SMG1: variants seen among roughly 807,000 people sequenced by gnomAD.
The protein encoded by SMG1 is SMG1 nonsense mediated mRNA decay associated PI3K related kinase.
In SMG1, 22 loss-of-function variants were observed where a neutral mutation model predicts 419.9. The ratio of observed to expected loss-of-function variants is 0.05; its 90% CI spans 0.04 to 0.07. SMG1 has a LOEUF of 0.07. SMG1 is among the 10% of genes least tolerant of loss of function. The probability of loss-of-function intolerance (pLI) is 1.00; values close to 1 mark genes in which losing one functional copy is unlikely to be tolerated. For missense variants in SMG1, 3,185 were observed against 4,342.0 expected (o/e 0.73, Z 7.49); for synonymous variants, 1,538 against 1,553.5 (o/e 0.99, Z 0.23).
intron 27 of SMG1, 147 bp downstream of exon 27, chr16:18,859,409 T>C (rs2035091968): frequency 1.4e-6 from 1 of 690,614 alleles, no homozygotes; most frequent in East Asian, 2.7e-5. Flanking sequence ...GCAGCATTCA[T>C]ATATCATATG....
chr16:18,912,527 A>G (rs2037833759), intron 1 of SMG1, among the ~76,000 whole-genome samples: 2 of 152,104 alleles, frequency 1.3e-5, no homozygotes, highest in South Asian at 4.1e-4. Context: ...AACAATAATG[A>G]TTAATTTTTA....
At chr16:18,873,170 A>AT (rs921785054) in intron 13 of SMG1, among the ~76,000 whole-genome samples, 1 of 152,090 alleles carries the variant, frequency 6.6e-6, no homozygotes, top group African/African-American at 2.4e-5. Flanking sequence ...ACAAAACAAA[A>AT]AACACCAGCC....
Position 18,830,336 on chromosome 16 carries a change from T to G in SMG1, c.8826A>C (p.Gln2942His). The change falls in exon 52 of 63, where the codon CAA (glutamine) becomes CAC (histidine). Residue 2942 changes from glutamine to histidine, a missense_variant. Gln to His is a conservative substitution (Grantham distance 24). Around this residue, in one of 27 missense-constraint regions of SMG1, gnomAD observed 737 missense variants for 846.6 expected, o/e 0.87. Coordinates refer to ENST00000446231, the MANE Select transcript of SMG1 (RefSeq NM_015092.5). ...LLHAQYGELI[Q>H]PRNGSVDETP... ...TTTCATCAACTGAACCATTTCTCGGTTGGATTAATTCACCGTACTGAGCAT... is the reference window on the plus strand; with the variant it reads ...TTTCATCAACTGAACCATTTCTCGGGTGGATTAATTCACCGTACTGAGCAT... 6.2e-7 allele frequency: 1 copy of G among 1,613,940 alleles called. No individual in the cohort carries two copies. The highest frequency in any genetic ancestry group is 1.7e-5 in the Admixed American group (1 of 60,000).
chr16:18,814,304 T>C (rs114953803), intron 60 of SMG1, among the ~76,000 whole-genome samples: 1 of 151,484 alleles, frequency 6.6e-6, no homozygotes, highest in African/African-American at 2.4e-5. Flanking sequence ...TCTTCATTTG[T>C]ATTAAGTATT....
chr16:18,845,666 A>G lies in SMG1; in HGVS notation c.5997-15T>C, dbSNP rs750244235. 1 of 1,591,792 alleles carries G rather than the reference A, an allele frequency of 6.3e-7. No individual in the cohort carries two copies. Among genetic ancestry groups the G allele is most frequent in the Admixed American group, 1.8e-5 (1 of 57,126 alleles). ...TTTTCTCTTCTCTGACCAAGAAGAC[A>G]TTTTTATTCAAAAACTTAAATGTGT... On this transcript the variant is annotated splice_polypyrimidine_tract_variant and intron_variant, in intron 38 of 62. Transcript: ENST00000446231.
At position 18,839,757 on chromosome 16, in the gene SMG1, G is replaced by T; in HGVS notation, c.6886C>A (p.Leu2296Ile). ...ELMEATPPNL[L>I]AKELWSSCTT... The stretch of plus-strand genomic sequence containing the variant: ...CAAGATGACCAGAGCTCTTTGGCAA[G>T]GAGATTCGGGGGTGTGGCCTCCATT... Residue 2296 changes from leucine (L) to isoleucine (I), a missense_variant, in exon 42 of 63, where the codon CTT (leucine) becomes ATT (isoleucine). By Grantham distance (5) the Leu-to-Ile change is conservative. Around this residue, in one of 27 missense-constraint regions of SMG1, gnomAD observed 132 missense variants for 151.0 expected, o/e 0.87. Transcript: ENST00000446231. 3.7e-6 allele frequency: 6 copies of T among 1,614,000 alleles called. No homozygotes were observed. The highest frequency in any genetic ancestry group is 5.1e-6 in the Non-Finnish European group (6 of 1,179,896).
chr16:18,919,243 C>G (rs776638763), intron 1 of SMG1, among the ~76,000 whole-genome samples: 2 of 151,854 alleles, frequency 1.3e-5, no homozygotes, highest in Non-Finnish European at 2.9e-5. Flanking sequence ...AGGAGAATCG[C>G]TTGAACCCAG....
chr16:18,881,382 G>C (rs1048058388), intron 10 of SMG1, among the ~76,000 whole-genome samples: 1 of 152,024 alleles, frequency 6.6e-6, no homozygotes, highest in Non-Finnish European at 1.5e-5. Flanking sequence ...TTTCATTTAA[G>C]TTCTGACATT....
rs2033818742 is a variant in SMG1 at position 18,839,962 on chromosome 16, T to C, written c.6697-16A>G. 2 of 1,513,922 alleles carry C rather than the reference T, an allele frequency of 1.3e-6. No homozygotes were observed. The highest frequency in any genetic ancestry group is 1.8e-6 in the Non-Finnish European group (2 of 1,128,816). The allele number at this position is 1,513,922 out of a possible 1,614,324, so 93.8% of individuals were successfully genotyped here. A position where few individuals can be genotyped will look rare whatever the true frequency, so the allele number is the denominator to read the frequency against. ...AATCTTGGGCCTTAAGAAAAAACAA[T>C]TTTTTTAAAAAAGAAAAGATCAATT... is the stretch of plus-strand genomic sequence containing the variant. On this transcript the variant is annotated splice_polypyrimidine_tract_variant and intron_variant, in intron 41 of 62. Coordinates refer to ENST00000446231, the MANE Select transcript of SMG1 (RefSeq NM_015092.5).
intron 1 of SMG1, among the ~76,000 whole-genome samples, chr16:18,915,225 G>A (rs1165231664): frequency 6.6e-6 from 1 of 151,976 alleles, no homozygotes; most frequent in Non-Finnish European, 1.5e-5. Context: ...CGCCCACCTC[G>A]GCCTCCCAAA....
rs368061527 is a variant in SMG1, at chr16:18,849,999, C to T, written c.5411G>A (p.Arg1804Gln). ...CTCCAAGCCGTGCTCCAGATACTGCCGAAGCTCACCAGCATGCTTCACGAG... is the reference window on the plus strand; with the variant it reads ...CTCCAAGCCGTGCTCCAGATACTGCTGAAGCTCACCAGCATGCTTCACGAG... ...RLLVKHAGEL[R>Q]QYLEHGLETT... Residue 1804 changes from arginine to glutamine, a missense_variant, in exon 35 of 63, where the codon CGG becomes CAG. Around this residue, in one of 27 missense-constraint regions of SMG1, gnomAD observed 493 missense variants for 552.9 expected, o/e 0.89. Transcript: ENST00000446231. 24 of 1,613,820 alleles carry T rather than the reference C, an allele frequency of 1.5e-5. No homozygotes were observed. The highest frequency in any genetic ancestry group is 1.8e-5 in the Non-Finnish European group (21 of 1,179,890).
intron 19 of SMG1, 73 bp downstream of exon 19, chr16:18,869,781 C>T (rs2141584888): frequency 7.6e-7 from 1 of 1,313,302 alleles, no homozygotes; most frequent in South Asian, 1.2e-5. Flanking sequence ...ATTTTCTCTT[C>T]AAAACTGCAT....
intron 32 of SMG1, 51 bp downstream of exon 32, chr16:18,852,267 T>C: frequency 1.9e-6 from 3 of 1,603,746 alleles, no homozygotes; most frequent in Non-Finnish European, 2.6e-6. Context: ...TCAGCAGACA[T>C]TTAAATATCT....
At chr16:18,903,828 AC>A (rs2141902461) in intron 1 of SMG1, among the ~76,000 whole-genome samples, 1 of 152,226 alleles carries the variant, frequency 6.6e-6, no homozygotes, top group South Asian at 2.1e-4. Flanking sequence ...ATCTGCACAT[AC>A]AGCTTTTCTT....
intron 22 of SMG1, among the ~76,000 whole-genome samples, chr16:18,867,697 C>CTTTT (rs1257464866): frequency 1.6e-5 from 2 of 125,430 alleles, no homozygotes; most frequent in Non-Finnish European, 3.3e-5. Context: ...ATTATTTTAA[C>CTTTT]TTCTTTTTTT....
chr16:18,878,863 A>G (rs1164387628), intron 11 of SMG1: 1 of 154,366 alleles, frequency 6.5e-6, no homozygotes, highest in Non-Finnish European at 1.4e-5. Context: ...ACAAAAAATT[A>G]GCCAGGTGTG....
At chr16:18,849,465 G>T in intron 35 of SMG1, 87 bp from the exon 36 acceptor site, 1 of 1,267,370 alleles carries the variant, frequency 7.9e-7, no homozygotes, top group Non-Finnish European at 1.1e-6. Context: ...CAGATAAAAC[G>T]TGATGTGTGT....
In SMG1 at chr16:18,826,958, G is replaced by A. The variant is rs545090433; in HGVS notation, c.9741+1073C>T. On this transcript the variant is annotated intron_variant, in intron 55 of 62. Transcript: ENST00000446231. ...TGAGCCAGGTGTGGGATATAGTCTC[G>A]TGGTGCGCCGTTTCTTAAGCCGGTC... Among the ~76,000 whole-genome samples, 9 of 47,192 alleles carry A rather than the reference G, an allele frequency of 1.9e-4. No homozygotes were observed. In the South Asian group the frequency reaches 2.0e-3, roughly 11 times the overall value. The allele number at this position is 47,192 out of a possible 152,430, so 31.0% of individuals were successfully genotyped here. A position where few individuals can be genotyped will look rare whatever the true frequency, so the allele number is the denominator to read the frequency against.
At chr16:18,883,647 G>T (rs1050165287) in intron 9 of SMG1, among the ~76,000 whole-genome samples, 1 of 152,134 alleles carries the variant, frequency 6.6e-6, no homozygotes, top group Non-Finnish European at 1.5e-5. Flanking sequence ...GACTGGGCAC[G>T]GGGGCTCACG....
Sources: allele counts gnomAD v4.1 joint callset (sites outside exome capture counted in the v4.1 genomes callset), GRCh38; gene constraint gnomAD v4.1.1; regional missense constraint gnomAD v4.1.1; transcripts MANE v1.5; gene names NCBI Gene and HGNC (gene_info 2026-07-23, HGNC 2026-07-21).